Variants in CSGALNACT1 observed in about 807,000 individuals in gnomAD.
CSGALNACT1 encodes the protein beta4GalNAcT-1.
CSGALNACT1 carries 52 observed loss-of-function variants against 51.0 expected under a neutral mutation model. That is an observed-to-expected ratio of 1.02 (90% confidence interval 0.82 to 1.29). The LOEUF (loss-of-function observed/expected upper bound fraction) is 1.29, where lower values mean the gene tolerates loss of function less well. Ranked by LOEUF, CSGALNACT1 falls within the 50% of genes most tolerant of loss-of-function variation. CSGALNACT1 has a pLI of 0.00. For synonymous variants in CSGALNACT1, 341 were observed against 254.4 expected, an observed-to-expected ratio of 1.34 and a Z score of -3.24; for missense variants, 935 against 679.2, an observed-to-expected ratio of 1.38 and a Z score of -4.19.
At chr8:19,588,608 A>G (rs1359392679) in intron 3 of CSGALNACT1, among the ~76,000 whole-genome samples, 1 of 152,260 alleles carries the variant, frequency 6.6e-6, no homozygotes, top group Non-Finnish European at 1.5e-5. Flanking sequence ...AGCTGGAAAT[A>G]CAGCAGTGAA....
intron 8 of CSGALNACT1, among the ~76,000 whole-genome samples, chr8:19,410,320 G>A (rs898090240): frequency 4.6e-5 from 7 of 152,128 alleles, no homozygotes; most frequent in Non-Finnish European, 5.9e-5. Flanking sequence ...TTTGTAAGGC[G>A]GCAAAGTCTG....
At chr8:19,603,128 AAAAG>A (rs2050808902), upstream of CSGALNACT1, among the ~76,000 whole-genome samples, 3 of 151,322 alleles carry the variant, frequency 2.0e-5, no homozygotes, top group African/African-American at 7.3e-5. Flanking sequence ...AAAAAAAAAA[AAAAG>A]TAGAAAGAAA....
In CSGALNACT1 at chr8:19,520,283, A is replaced by T. The variant is rs77782727; in HGVS notation, c.-296-14153T>A. On this transcript the variant is annotated intron_variant, in intron 3 of 9. Coordinates refer to ENST00000454498, the Ensembl canonical transcript of CSGALNACT1. ...CTCTTTGTGCCATCTAACTGAACAG[A>T]AAAATGGAATAAAAAATGTAGGGAA... Among the ~76,000 whole-genome samples the T allele has an allele frequency of 9.3e-3, 1,411 of 152,360 alleles. 21 individuals are homozygous for T. Among genetic ancestry groups the T allele is most frequent in the African/African-American group, 0.032 (1,317 of 41,568 alleles).
chr8:19,749,357 A>C (rs1257059065), intron 1 of CSGALNACT1, among the ~76,000 whole-genome samples: 5 of 99,982 alleles, frequency 5.0e-5, no homozygotes, highest in Admixed American at 4.9e-4. Flanking sequence ...TTTTGGCTTT[A>C]AAAAAAAAAG....
chr8:19,595,412 A>G (rs1002685003), intron 2 of CSGALNACT1, among the ~76,000 whole-genome samples: 1 of 152,202 alleles, frequency 6.6e-6, no homozygotes, highest in Non-Finnish European at 1.5e-5. Context: ...AAGTCTCAAT[A>G]TATGTTTGTG....
intron 3 of CSGALNACT1, among the ~76,000 whole-genome samples, chr8:19,507,763 G>A (rs1301854955): frequency 6.6e-6 from 1 of 152,152 alleles, no homozygotes; most frequent in East Asian, 1.9e-4. Context: ...GAGTAGCTGG[G>A]ACTACAGGCA....
In CSGALNACT1 at chr8:19,541,170, C is replaced by G. The variant is rs530371454; in HGVS notation, c.-296-35040G>C. On this transcript the variant is annotated intron_variant, in intron 3 of 9. Coordinates refer to ENST00000454498, the Ensembl canonical transcript of CSGALNACT1. Reference sequence around the variant, plus strand: ...TCGCAGCTCACTGCAACCTTTGCCTCCCAGGTAAGGGAGAAACTCTAGCCT... The same window carrying G: ...TCGCAGCTCACTGCAACCTTTGCCTGCCAGGTAAGGGAGAAACTCTAGCCT... 8.5e-5 allele frequency among the ~76,000 whole-genome samples: 13 copies of G among 152,110 alleles called. No individual in the cohort carries two copies. The South Asian group carries it at 1.0e-3, about 12-fold the overall frequency.
At chr8:19,630,980 T>C (rs2055173925) in intron 1 of CSGALNACT1, among the ~76,000 whole-genome samples, 1 of 152,168 alleles carries the variant, frequency 6.6e-6, no homozygotes, top group South Asian at 2.1e-4. Flanking sequence ...TTAACTAAAG[T>C]CCATTGTTTT....
rs181128563 is a variant in CSGALNACT1 at position 19,740,981 on chromosome 8, C to T, written c.-297+16869G>A. 1.6e-3 allele frequency among the ~76,000 whole-genome samples: 245 copies of T among 152,204 alleles called. 3 individuals are homozygous for T. Among genetic ancestry groups the T allele is most frequent in the Middle Eastern group, 3.4e-3 (1 of 294 alleles). ...ATAATATCTAAACTCCATAGCAAAG[C>T]AACTTGGAAATAAGATCACACTCTG... On this transcript the variant is annotated intron_variant, in intron 1 of 1. Coordinates refer to the CSGALNACT1 transcript ENST00000517494.
At chr8:19,462,461 A>G (rs534522244) in intron 4 of CSGALNACT1, among the ~76,000 whole-genome samples, 1 of 152,354 alleles carries the variant, frequency 6.6e-6, no homozygotes, top group African/African-American at 2.4e-5. Context: ...ACCTGTCTCA[A>G]GAGATGGACA....
chr8:19,574,173 A>G, intron 3 of CSGALNACT1, among the ~76,000 whole-genome samples: 1 of 152,004 alleles, frequency 6.6e-6, no homozygotes, highest in Non-Finnish European at 1.5e-5. Flanking sequence ...CTGGCCTCCC[A>G]AACTATTGGA....
At chr8:19,649,966 A>G (rs887499416) in intron 1 of CSGALNACT1, among the ~76,000 whole-genome samples, 1 of 152,116 alleles carries the variant, frequency 6.6e-6, no homozygotes, top group Non-Finnish European at 1.5e-5. Context: ...CATAATACAT[A>G]AAACATAAAA....
chr8:19,473,854 G>C (rs1396892913), intron 4 of CSGALNACT1, among the ~76,000 whole-genome samples: 2 of 152,138 alleles, frequency 1.3e-5, no homozygotes, highest in African/African-American at 4.8e-5. Context: ...GCAAGCTGAA[G>C]ATCAAGAAAA....
At chr8:19,666,070 G>C (rs1376551828) in intron 1 of CSGALNACT1, among the ~76,000 whole-genome samples, 1 of 152,150 alleles carries the variant, frequency 6.6e-6, no homozygotes, top group African/African-American at 2.4e-5. Context: ...GTTATTTCAA[G>C]TTGTTTGTCT....
At chr8:19,606,926 C>T (rs921708211), upstream of CSGALNACT1, among the ~76,000 whole-genome samples, 13 of 152,058 alleles carry the variant, frequency 8.5e-5, no homozygotes, top group East Asian at 1.9e-4. Flanking sequence ...GAGGCGGAGA[C>T]GGGTGGATCA....
At chr8:19,610,794 G>T (rs2052140100) in intron 1 of CSGALNACT1, among the ~76,000 whole-genome samples, 1 of 152,218 alleles carries the variant, frequency 6.6e-6, no homozygotes, top group Non-Finnish European at 1.5e-5. Context: ...GTACACCAAG[G>T]CAAGAAACCG....
chr8:19,577,785 G>T (rs903249323), intron 3 of CSGALNACT1, among the ~76,000 whole-genome samples: 1 of 152,128 alleles, frequency 6.6e-6, no homozygotes, highest in African/African-American at 2.4e-5. Context: ...CAACTTTGGA[G>T]TTAATACTGT....
At chr8:19,513,234 C>T (rs964252874) in intron 3 of CSGALNACT1, among the ~76,000 whole-genome samples, 2 of 151,664 alleles carry the variant, frequency 1.3e-5, no homozygotes, top group Non-Finnish European at 2.9e-5. Flanking sequence ...GTGGTAGCAC[C>T]CAGGACATAG....
chr8:19,682,021 C>G (rs924841044), intron 1 of CSGALNACT1, among the ~76,000 whole-genome samples: 1 of 152,176 alleles, frequency 6.6e-6, no homozygotes, highest in African/African-American at 2.4e-5. Flanking sequence ...GACTTGGGAC[C>G]TGTGGCCAGG....
Sources: gnomAD v4.1 joint callset for allele counts (sites outside exome capture counted in the v4.1 genomes callset) on GRCh38, gnomAD v4.1.1 for gene constraint, MANE v1.5 for transcripts, NCBI Gene and HGNC (gene_info 2026-07-23, HGNC 2026-07-21) for gene names.